The following PCLO variants were observed in gnomAD, a reference collection of about 807,000 sequenced individuals.
The protein encoded by PCLO is piccolo presynaptic cytomatrix protein.
Under a neutral mutation model 427.5 loss-of-function variants are expected in PCLO, and 82 were observed. The observed-to-expected ratio is 0.19, with a 90% CI of 0.16 to 0.23. The LOEUF is 0.23. Among genes scored for constraint, PCLO ranks in the 10% least tolerant of loss-of-function variants. The probability of loss-of-function intolerance (pLI) is 1.00; values close to 1 mark genes in which losing one functional copy is unlikely to be tolerated. For synonymous variants in PCLO, 2,357 were observed against 2,155.4 expected, an observed-to-expected ratio of 1.09 and a Z score of -2.59; for missense variants, 6,239 against 6,115.9, an observed-to-expected ratio of 1.02 and a Z score of -0.67.
At chr7:82,922,862 T>A (rs969855933) in intron 6 of PCLO, among the ~76,000 whole-genome samples, 4 of 152,030 alleles carry the variant, frequency 2.6e-5, no homozygotes, top group Non-Finnish European at 5.9e-5. Context: ...TAGCAACATA[T>A]ATTTCATTTT....
At position 82,956,713 on chromosome 7, in the gene PCLO, T is replaced by C; in HGVS notation, c.4240A>G (p.Ser1414Gly). ...SSPSDLAKLE[S>G]TVLSILEAQA... ...GCTTCCAAAATAGATAGGACTGTAC[T>C]TTCTAACTTAGCCAAATCTGAGGGG... is the stretch of plus-strand genomic sequence containing the variant. The change falls in exon 5 of 25, where the codon AGT becomes GGT. Residue 1414 changes from serine (S) to glycine (G), a missense_variant. Coordinates refer to ENST00000333891, the MANE Select transcript of PCLO (RefSeq NM_033026.6). 1 of 1,613,744 alleles carries C rather than the reference T, an allele frequency of 6.2e-7. No individual in the cohort carries two copies. The highest frequency in any genetic ancestry group is 8.5e-7 in the Non-Finnish European group (1 of 1,179,776).
chr7:83,054,485 G>T (rs1789330175), intron 3 of PCLO, among the ~76,000 whole-genome samples: 3 of 151,896 alleles, frequency 2.0e-5, no homozygotes, highest in African/African-American at 7.2e-5. Flanking sequence ...TTAATAGAGG[G>T]CAAAGTCATT....
In PCLO at chr7:82,901,142, TGAAAA is replaced by T. The variant is rs1237097656; in HGVS notation, c.13528+1504_13528+1508del. ...CATGTGCATTAAAACATATGATTAA[TGAAAA>T]GAATGATGCAAGTATGTACCATTTA... On this transcript the variant is annotated intron_variant, in intron 9 of 24. Transcript: ENST00000333891. 5.9e-5 allele frequency among the ~76,000 whole-genome samples: 9 copies of T among 152,038 alleles called. No homozygotes were observed. In the East Asian group the frequency reaches 1.4e-3, roughly 23 times the overall value.
At chr7:83,021,845 T>G (rs988888130) in intron 3 of PCLO, among the ~76,000 whole-genome samples, 8 of 152,040 alleles carry the variant, frequency 5.3e-5, no homozygotes, top group African/African-American at 1.9e-4. Context: ...GGCAAGAAAA[T>G]AGAATTTTAT....
At chr7:82,909,919 A>T (rs1003689548) in intron 7 of PCLO, among the ~76,000 whole-genome samples, 8 of 152,228 alleles carry the variant, frequency 5.3e-5, no homozygotes, top group African/African-American at 1.9e-4. Flanking sequence ...AACTATATTT[A>T]AGGTACACAA....
chr7:83,154,667 T>G, intron 2 of PCLO, 81 bp downstream of exon 2: 1 of 1,004,426 alleles, frequency 1.0e-6, no homozygotes, highest in Non-Finnish European at 1.5e-6. Context: ...CATCATGTCA[T>G]ATATGTGTTT....
rs1795334276 is a variant in PCLO at position 82,951,106 on chromosome 7, A to G, written c.9482T>C (p.Ile3161Thr). 2 of 1,613,656 alleles carry G rather than the reference A, an allele frequency of 1.2e-6. No individual in the cohort carries two copies. The highest frequency in any genetic ancestry group is 8.5e-7 in the Non-Finnish European group (1 of 1,179,752). Residue 3161 changes from isoleucine (I) to threonine (T), a missense_variant, in exon 6 of 25, where the codon ATC becomes ACC. Physicochemically the swap from Ile to Thr is moderately conservative, Grantham distance 89. This residue lies in a region of PCLO where 4,677 missense variants were observed against 4,468.4 expected (regional missense o/e 1.05). Transcript: ENST00000333891. ...ETDIAVTGID[I>T]SASLQTITME... ...AGTAATAGTTTGCAAACTGGCACTG[A>G]TATCAATACCAGTTACTGCAATGTC...
chr7:82,829,658 A>T (rs571195709), intron 16 of PCLO, among the ~76,000 whole-genome samples: 1 of 152,272 alleles, frequency 6.6e-6, no homozygotes, highest in Admixed American at 6.5e-5. Context: ...AAGTTTCTAT[A>T]TATACTTTTT....
intron 6 of PCLO, among the ~76,000 whole-genome samples, chr7:82,918,450 T>C (rs143983429): frequency 7.5e-4 from 114 of 152,166 alleles, no homozygotes; most frequent in African/African-American, 2.6e-3. Flanking sequence ...TCTTTACATA[T>C]TCTTTCACTT....
At chr7:83,099,478 TC>T (rs1323772838) in intron 3 of PCLO, among the ~76,000 whole-genome samples, 1 of 150,614 alleles carries the variant, frequency 6.6e-6, no homozygotes, top group Non-Finnish European at 1.5e-5. Context: ...AACCTCCGCC[TC>T]CCGGATTCAA....
chr7:82,823,231 A>T (rs1791840827), intron 19 of PCLO, among the ~76,000 whole-genome samples: 1 of 152,142 alleles, frequency 6.6e-6, no homozygotes, highest in African/African-American at 2.4e-5. Context: ...CCCATAAATG[A>T]TCTATAAAAC....
intron 21 of PCLO, among the ~76,000 whole-genome samples, chr7:82,802,034 A>G (rs978194574): frequency 3.3e-5 from 5 of 151,926 alleles, no homozygotes; most frequent in Non-Finnish European, 7.4e-5. Flanking sequence ...AATAATATAT[A>G]AAAATGATAT....
chr7:83,036,726 T>C (rs964610477), intron 3 of PCLO, among the ~76,000 whole-genome samples: 1 of 152,042 alleles, frequency 6.6e-6, no homozygotes. Context: ...GAGAAGTTAT[T>C]TGGAATATCA....
intron 2 of PCLO, among the ~76,000 whole-genome samples, chr7:83,153,360 T>C (rs1310501254): frequency 6.6e-6 from 1 of 152,096 alleles, no homozygotes; most frequent in Admixed American, 6.6e-5. Context: ...ATATTACTTT[T>C]GTTTAAAAAA....
chr7:82,833,477 T>C (rs1262977257), intron 16 of PCLO, among the ~76,000 whole-genome samples: 1 of 151,998 alleles, frequency 6.6e-6, no homozygotes, highest in Non-Finnish European at 1.5e-5. Flanking sequence ...ATTTTGCCCC[T>C]CAAAGTTTGA....
chr7:82,896,114 T>A (rs1401110909), intron 9 of PCLO, among the ~76,000 whole-genome samples: 1 of 151,840 alleles, frequency 6.6e-6, no homozygotes, highest in Non-Finnish European at 1.5e-5. Context: ...ACCTTGACTA[T>A]GTGGCAGTTT....
chr7:83,156,499 G>T, intron 1 of PCLO, 107 bp from the exon 2 acceptor site: 1 of 675,770 alleles, frequency 1.5e-6, no homozygotes, highest in Non-Finnish European at 2.4e-6. Context: ...AATTATGAAT[G>T]TATAAATATA....
In PCLO at chr7:82,827,927, A is replaced by T; in HGVS notation, c.14289T>A (p.Ser4763Arg). Residue 4763 changes from serine to arginine, a missense_variant, in exon 17 of 25, where the codon AGT becomes AGA. Physicochemically the swap from Ser to Arg is moderately radical, Grantham distance 110 (BLOSUM62 -1). Coordinates refer to ENST00000333891, the MANE Select transcript of PCLO (RefSeq NM_033026.6). ...CTGTTTGATTCCACTCAGGATTAAG[A>T]CTTTTCTGGACATGTTTAGTCCTTC... ...YKRRTKHVQK[S>R]LNPEWNQTVI... is the part of the protein sequence containing the mutation. The T allele has an allele frequency of 6.2e-7, 1 of 1,604,386 alleles. No homozygotes were observed. The highest frequency in any genetic ancestry group is 8.5e-7 in the Non-Finnish European group (1 of 1,172,234).
chr7:82,953,725 G>A lies in PCLO; in HGVS notation c.7228C>T (p.Pro2410Ser). 2 of 873,624 alleles carry A rather than the reference G, an allele frequency of 2.3e-6. No homozygotes were observed. Among genetic ancestry groups the A allele is most frequent in the Non-Finnish European group, 1.6e-6 (1 of 607,348 alleles). The allele number at this position is 873,624 out of a possible 1,614,324, so 54.1% of individuals were successfully genotyped here. ...GGAGGAGGAGGAGGAGGGGGAGGGG[G>A]AGGAGGGGGAGGAGGTTGAGCTGAT... ...DISAQPPPPPPPPPPPPPPPP... is the reference protein window; with the variant it reads ...DISAQPPPPPSPPPPPPPPPP... The change falls in exon 5 of 25, where the codon CCC becomes TCC. Residue 2410 changes from proline to serine, a missense_variant. Physicochemically the swap from Pro to Ser is moderately conservative, Grantham distance 74. Around this residue, in one of 5 missense-constraint regions of PCLO, gnomAD observed 4,677 missense variants for 4,468.4 expected, o/e 1.05. Transcript: ENST00000333891.
Sources: allele counts gnomAD v4.1 joint callset (sites outside exome capture counted in the v4.1 genomes callset), GRCh38; gene constraint gnomAD v4.1.1; regional missense constraint gnomAD v4.1.1; transcripts MANE v1.5; gene names NCBI Gene and HGNC (gene_info 2026-07-23, HGNC 2026-07-21).